FAT3: variants seen among roughly 807,000 people sequenced by gnomAD.
FAT3 encodes protocadherin Fat 3.
Under a neutral mutation model 310.2 loss-of-function variants are expected in FAT3, and 95 were observed. The ratio of observed to expected loss-of-function variants is 0.31; its 90% CI spans 0.26 to 0.36. The LOEUF is 0.36. FAT3 is among the 10% of genes least tolerant of loss of function. The pLI is 1.00. For synonymous variants in FAT3, 2,314 were observed against 2,192.9 expected (o/e 1.06, Z -1.54); for missense variants, 5,408 against 5,715.6 (o/e 0.95, Z 1.74).
chr11:92,483,524 G>T (rs1208820909), intron 2 of FAT3, among the ~76,000 whole-genome samples: 7 of 151,782 alleles, frequency 4.6e-5, no homozygotes, highest in Non-Finnish European at 1.0e-4. Context: ...ACATATTTTT[G>T]TGTAGCTCTC....
intron 2 of FAT3, among the ~76,000 whole-genome samples, chr11:92,436,418 A>G (rs1950941167): frequency 6.6e-6 from 1 of 152,186 alleles, no homozygotes; most frequent in Admixed American, 6.5e-5. Flanking sequence ...CTGGGATTAC[A>G]GGCGTGAGCC....
chr11:92,808,509 G>A (rs1947570725), intron 12 of FAT3, among the ~76,000 whole-genome samples: 1 of 152,164 alleles, frequency 6.6e-6, no homozygotes, highest in Non-Finnish European at 1.5e-5. Flanking sequence ...ATTGTGGAGT[G>A]TCTTGAATGT....
intron 2 of FAT3, among the ~76,000 whole-genome samples, chr11:92,460,743 A>C (rs1208587664): frequency 6.6e-6 from 1 of 152,204 alleles, no homozygotes; most frequent in Non-Finnish European, 1.5e-5. Flanking sequence ...TGCACAACAC[A>C]TGCACCTAGT....
At chr11:92,702,052 G>A (rs1379358606) in intron 4 of FAT3, among the ~76,000 whole-genome samples, 3 of 152,220 alleles carry the variant, frequency 2.0e-5, no homozygotes, top group Admixed American at 6.5e-5. Flanking sequence ...ACAGAGCTTA[G>A]ATGGGCTATT....
chr11:92,787,308 G>A (rs1051137877), intron 7 of FAT3, among the ~76,000 whole-genome samples: 15 of 151,976 alleles, frequency 9.9e-5, no homozygotes, highest in Admixed American at 2.0e-4. Flanking sequence ...ATAGAGTGTA[G>A]GGGGAAGGTA....
At chr11:92,563,934 GC>G (rs1217183815) in intron 3 of FAT3, among the ~76,000 whole-genome samples, 1 of 151,872 alleles carries the variant, frequency 6.6e-6, no homozygotes, top group African/African-American at 2.4e-5. Context: ...GCAAAATCAT[GC>G]CAAAATGTAA....
At chr11:92,756,237 A>G (rs960969215) in intron 4 of FAT3, among the ~76,000 whole-genome samples, 4 of 152,254 alleles carry the variant, frequency 2.6e-5, no homozygotes, top group African/African-American at 9.6e-5. Flanking sequence ...TTTCTTGTAC[A>G]TACATACCTA....
intron 1 of FAT3, among the ~76,000 whole-genome samples, chr11:92,259,467 G>A (rs1865447158): frequency 6.6e-6 from 1 of 151,866 alleles, no homozygotes; most frequent in African/African-American, 2.4e-5. Flanking sequence ...TGTACAATGA[G>A]TAGTAAATAG....
At chr11:92,464,843 A>G (rs992601356) in intron 2 of FAT3, among the ~76,000 whole-genome samples, 8 of 152,174 alleles carry the variant, frequency 5.3e-5, no homozygotes, top group African/African-American at 1.9e-4. Context: ...CTTATAACAA[A>G]TAAAAACGTT....
chr11:92,573,848 AT>A (rs1205349020), intron 3 of FAT3, among the ~76,000 whole-genome samples: 4 of 152,088 alleles, frequency 2.6e-5, no homozygotes, highest in Non-Finnish European at 5.9e-5. Context: ...GAGAAAAAAA[AT>A]GTATGTTGTT....
At chr11:92,794,896 G>A (rs1370123749) in intron 9 of FAT3, among the ~76,000 whole-genome samples, 1 of 152,186 alleles carries the variant, frequency 6.6e-6, no homozygotes. Context: ...CCCAGTTGAG[G>A]GTGGGAGACA....
intron 3 of FAT3, among the ~76,000 whole-genome samples, chr11:92,683,841 T>C (rs1226619447): frequency 6.6e-6 from 1 of 152,232 alleles, no homozygotes. Flanking sequence ...CAAACCTTAG[T>C]TGAACTAGCT....
intron 2 of FAT3, among the ~76,000 whole-genome samples, chr11:92,379,548 T>G (rs1949438619): frequency 1.3e-5 from 2 of 152,108 alleles, no homozygotes; most frequent in African/African-American, 4.8e-5. Flanking sequence ...CACTGTTGGA[T>G]TGTAGATGAG....
At chr11:92,882,039 A>C (rs1012845160) in intron 23 of FAT3, among the ~76,000 whole-genome samples, 3 of 152,178 alleles carry the variant, frequency 2.0e-5, no homozygotes, top group African/African-American at 7.2e-5. Flanking sequence ...CTCTGGGGAA[A>C]ACCTATAACC....
intron 2 of FAT3, among the ~76,000 whole-genome samples, chr11:92,404,339 G>GGAATGT (rs1950092393): frequency 6.6e-6 from 1 of 152,114 alleles, no homozygotes; most frequent in Non-Finnish European, 1.5e-5. Context: ...CTGGGTACAG[G>GGAATGT]ATAGCCAGAA....
At chr11:92,433,768 TG>T (rs994270383) in intron 2 of FAT3, among the ~76,000 whole-genome samples, 1 of 151,798 alleles carries the variant, frequency 6.6e-6, no homozygotes, top group Non-Finnish European at 1.5e-5. Context: ...CTCAGCAGTT[TG>T]GGAGGCCGAG....
At position 92,354,966 on chromosome 11, in the gene FAT3, G is replaced by A; in HGVS notation, c.2854G>A (p.Gly952Ser). 13 of 1,613,822 alleles carry A rather than the reference G, an allele frequency of 8.1e-6. No individual in the cohort carries two copies. The highest frequency in any genetic ancestry group is 1.1e-5 in the Non-Finnish European group (13 of 1,179,846). Residue 952 changes from glycine to serine, a missense_variant, in exon 2 of 28, where the codon GGC (glycine) becomes AGC (serine). Coordinates refer to ENST00000525166, the MANE Select transcript of FAT3 (RefSeq NM_001367949.2). ...SVKVLEDLPV[G>S]TVIAWLETHD... is the part of the protein sequence containing the mutation. ...GAAGGTTCTTGAAGATCTCCCTGTT[G>A]GCACTGTCATTGCTTGGCTTGAGAC...
At chr11:92,654,319 A>T (rs940740466) in intron 3 of FAT3, among the ~76,000 whole-genome samples, 1 of 152,110 alleles carries the variant, frequency 6.6e-6, no homozygotes, top group Non-Finnish European at 1.5e-5. Flanking sequence ...GATTCACCAA[A>T]ATGGACCTCT....
chr11:92,265,279 A>G (rs186064809), intron 1 of FAT3, among the ~76,000 whole-genome samples: 1 of 151,922 alleles, frequency 6.6e-6, no homozygotes, highest in East Asian at 2.0e-4. Context: ...GAAATTAAAA[A>G]CAAATACTTT....
Sources: gnomAD v4.1 joint callset for allele counts (sites outside exome capture counted in the v4.1 genomes callset) on GRCh38, gnomAD v4.1.1 for gene constraint, MANE v1.5 for transcripts, NCBI Gene and HGNC (gene_info 2026-07-23, HGNC 2026-07-21) for gene names.